WEE2: variants seen among roughly 807,000 people sequenced by gnomAD.
WEE2 encodes WEE2 oocyte meiosis inhibiting kinase, also known as wee1-like protein kinase 2.
WEE2 carries 50 observed loss-of-function variants against 60.1 expected under a neutral mutation model. The observed-to-expected ratio is 0.83, with a 90% confidence interval of 0.66 to 1.05. WEE2 has a LOEUF of 1.05. Among genes scored for constraint, WEE2 ranks in the 50% least tolerant of loss-of-function variants. WEE2 has a pLI of 0.00. For synonymous variants in WEE2, 240 were observed against 241.0 expected (o/e 1.00, Z 0.04); for missense variants, 631 against 684.3 (o/e 0.92, Z 0.87).
chr7:141,724,340 T>A, intron 8 of WEE2, 65 bp downstream of exon 8: 2 of 1,383,928 alleles, frequency 1.4e-6, no homozygotes, highest in Non-Finnish European at 2.0e-6. Context: ...AAATGGAGGA[T>A]CTCAGTGCAA....
intron 10 of WEE2, among the ~76,000 whole-genome samples, chr7:141,728,619 A>G (rs61110262): frequency 0.015 from 2,228 of 152,316 alleles, 58 homozygotes; most frequent in African/African-American, 0.051. Context: ...AGTACCAGTG[A>G]TGGGCACCTA....
In WEE2 at chr7:141,721,007, C is replaced by T. The variant is rs1360473956; in HGVS notation, c.831C>T (p.Ser277=). ...ACCCCCATGTGGTACGTTACTATTC[C>T]TCATGGGCAGAAGATGACCACATGA... ...GHHPHVVRYY[S]SWAEDDHMII... is the part of the protein sequence containing the mutation. Residue 277 remains serine (S), a synonymous_variant, in exon 5 of 12, where the codon TCC becomes TCT. Coordinates refer to ENST00000397541, the MANE Select transcript of WEE2 (RefSeq NM_001105558.1). 6.2e-7 allele frequency: 1 copy of T among 1,614,182 alleles called. No individual in the cohort carries two copies.
In WEE2 at chr7:141,714,328, T is replaced by C; in HGVS notation, c.462T>C (p.Asn154=). Residue 154 remains asparagine (N), a synonymous_variant, in exon 2 of 12, where the codon AAT becomes AAC. Coordinates refer to ENST00000397541, the MANE Select transcript of WEE2 (RefSeq NM_001105558.1). The part of the protein sequence containing the change: ...KDEMTSLALV[N]INPFTPESYK... ...AGATGACCTCATTGGCTCTGGTCAATATTAATCCCTTCACTCCAGAGTCCT... is the reference window on the plus strand; with the variant it reads ...AGATGACCTCATTGGCTCTGGTCAACATTAATCCCTTCACTCCAGAGTCCT... 1 of 1,613,922 alleles carries C rather than the reference T, an allele frequency of 6.2e-7. No individual in the cohort carries two copies. Among genetic ancestry groups the C allele is most frequent in the Non-Finnish European group, 8.5e-7 (1 of 1,179,862 alleles).
At chr7:141,727,809 T>G (rs1404097839) in intron 10 of WEE2, 1 of 198,530 alleles carries the variant, frequency 5.0e-6, no homozygotes, top group African/African-American at 2.3e-5. Context: ...GTAAGACCTA[T>G]TTTAGAAACC....
chr7:141,713,114 C>A (rs1477340843), intron 1 of WEE2, among the ~76,000 whole-genome samples: 1 of 152,146 alleles, frequency 6.6e-6, no homozygotes, highest in Non-Finnish European at 1.5e-5. Flanking sequence ...TATGTAAATT[C>A]TATAGCTTCC....
intron 1 of WEE2, among the ~76,000 whole-genome samples, chr7:141,709,918 T>C (rs1005078286): frequency 2.0e-5 from 3 of 152,162 alleles, no homozygotes; most frequent in Admixed American, 6.5e-5. Flanking sequence ...TAGCTCGGCT[T>C]CCTGCTGGTT....
intron 11 of WEE2, 118 bp from the exon 12 acceptor site, chr7:141,730,177 G>T: frequency 1.2e-6 from 1 of 834,660 alleles, no homozygotes; most frequent in Non-Finnish European, 1.8e-6. Context: ...AGCTAGTAAG[G>T]CTTTGTCTTC....
Position 141,730,652 on chromosome 7 carries a change from G to T in WEE2, c.*332G>T. 1 of 213,714 alleles carries T rather than the reference G, an allele frequency of 4.7e-6. No homozygotes were observed. Among genetic ancestry groups the T allele is most frequent in the Non-Finnish European group, 9.2e-6 (1 of 108,844 alleles). 13.2% of individuals were successfully genotyped at this position (213,714 alleles called of 1,614,324 possible). ...CTGCATGCAACTTGGACATCTCTGA[G>T]CTGGTTGTTAACTTGCAGAACAAAA... On this transcript the variant is annotated 3_prime_UTR_variant, in exon 12 of 12. Coordinates refer to ENST00000397541, the MANE Select transcript of WEE2 (RefSeq NM_001105558.1).
chr7:141,724,069 T>C (rs778139045), intron 7 of WEE2, 21 bp downstream of exon 7: 1 of 1,580,582 alleles, frequency 6.3e-7, no homozygotes, highest in South Asian at 1.1e-5. Context: ...CTTATAGCCT[T>C]ACCAGTTACC....
Position 141,716,250 on chromosome 7 carries a change from G to A in WEE2, c.568G>A (p.Gly190Arg), listed in dbSNP as rs1318534862. Reference protein sequence around the residue: ...LEEAGPEEGKGGLPAKRCVLR... With the variant: ...LEEAGPEEGKRGLPAKRCVLR... ...GGAAGCTGGTCCAGAGGAAGGCAAG[G>A]GAGGGCTGCCTGCCAAGGTAAGCGT... The change falls in exon 3 of 12, where the codon GGA (glycine) becomes AGA (arginine). Residue 190 changes from glycine (G) to arginine (R), a missense_variant. Transcript: ENST00000397541. 2 of 1,612,660 alleles carry A rather than the reference G, an allele frequency of 1.2e-6. No individual in the cohort carries two copies. The highest frequency in any genetic ancestry group is 1.7e-6 in the Non-Finnish European group (2 of 1,179,358).
intron 9 of WEE2, among the ~76,000 whole-genome samples, chr7:141,725,620 G>GT (rs1206864071): frequency 1.6e-3 from 159 of 97,792 alleles, no homozygotes; most frequent in Non-Finnish European, 2.2e-3. Context: ...GCGAGACTCC[G>GT]TCTCAAAAAA....
rs774231384 is a variant in WEE2 at position 141,724,007 on chromosome 7, A to C, written c.1094A>C (p.Glu365Ala). The C allele has an allele frequency of 6.2e-6, 10 of 1,613,650 alleles. No homozygotes were observed. Among genetic ancestry groups the C allele is most frequent in the Non-Finnish European group, 6.8e-6 (8 of 1,179,850 alleles). Reference protein sequence around the residue: ...SSGVIEEVENEADWFLSANVM... With the variant: ...SSGVIEEVENAADWFLSANVM... ...GGAGTCATAGAAGAAGTTGAAAATG[A>C]AGCTGATTGGTTTCTCTCTGCCAAT... Residue 365 changes from glutamate to alanine, a missense_variant, in exon 7 of 12, where the codon GAA becomes GCA. Physicochemically the swap from Glu to Ala is moderately radical, Grantham distance 107 (BLOSUM62 -1). Coordinates refer to ENST00000397541, the MANE Select transcript of WEE2 (RefSeq NM_001105558.1).
In WEE2 at chr7:141,708,607, C is replaced by T. The variant is rs1798657495; in HGVS notation, c.-152C>T. 3.1e-6 allele frequency: 2 copies of T among 651,110 alleles called. No individual in the cohort carries two copies. The highest frequency in any genetic ancestry group is 2.7e-5 in the Admixed American group (1 of 36,448). 40.3% of individuals were successfully genotyped at this position (651,110 alleles called of 1,614,324 possible). On this transcript the variant is annotated 5_prime_UTR_variant, in exon 1 of 12. Transcript: ENST00000397541. ...GGTACTTAAGGCAGAAAATTAACAC[C>T]GTGTTTTGTAGCTGTTAGTTGGTAG...
In WEE2 at chr7:141,709,132, G is replaced by C. The variant is rs748426677; in HGVS notation, c.342+32G>C. Reference sequence around the variant, plus strand: ...AAGGGGTGGGGGAAAAAGGGACGCAGGTCGCCAAGCTCTGCTTTCCTGTAG... The same window carrying C: ...AAGGGGTGGGGGAAAAAGGGACGCACGTCGCCAAGCTCTGCTTTCCTGTAG... On this transcript the variant is annotated intron_variant, in intron 1 of 11. Transcript: ENST00000397541. 8 of 1,585,194 alleles carry C rather than the reference G, an allele frequency of 5.0e-6. No homozygotes were observed. The East Asian group carries it at 1.6e-4, about 31-fold the overall frequency.
rs1251659193 is a variant in WEE2 at position 141,714,267 on chromosome 7, A to G, written c.401A>G (p.Lys134Arg). Residue 134 changes from lysine (K) to arginine (R), a missense_variant, in exon 2 of 12, where the codon AAG becomes AGG. Coordinates refer to ENST00000397541, the MANE Select transcript of WEE2 (RefSeq NM_001105558.1). ...PTGKLPSRGPKHLKLTPAPLK... is the reference protein window; with the variant it reads ...PTGKLPSRGPRHLKLTPAPLK... Reference sequence around the variant, plus strand: ...GGGAAGCTTCCTTCCAGAGGCCCTAAGCATTTGAAGCTCACACCTGCTCCC... The same window carrying G: ...GGGAAGCTTCCTTCCAGAGGCCCTAGGCATTTGAAGCTCACACCTGCTCCC... 1 of 1,613,752 alleles carries G rather than the reference A, an allele frequency of 6.2e-7. No homozygotes were observed.
intron 4 of WEE2, among the ~76,000 whole-genome samples, chr7:141,720,384 T>G (rs1201384818): frequency 6.6e-6 from 1 of 152,170 alleles, no homozygotes. Context: ...TGTTGGGATT[T>G]TCTATTCCAT....
chr7:141,723,307 C>A (rs1369284266), intron 6 of WEE2, 27 bp downstream of exon 6: 1 of 1,608,816 alleles, frequency 6.2e-7, no homozygotes, highest in Non-Finnish European at 8.5e-7. Flanking sequence ...TCTGCCACTT[C>A]TACCGTATTT....
chr7:141,723,277 C>T lies in WEE2; in HGVS notation c.1024C>T (p.Pro342Ser). 6.2e-7 allele frequency: 1 copy of T among 1,613,562 alleles called. No homozygotes were observed. The highest frequency in any genetic ancestry group is 1.1e-5 in the South Asian group (1 of 91,014). ...NSSMVHLDIK[P>S]SNIFICHKMQ... ...TAGCATGGTACACCTGGACATCAAACCTAGTCAGTGTGATTCCCTTCTGCC... is the reference window on the plus strand; with the variant it reads ...TAGCATGGTACACCTGGACATCAAATCTAGTCAGTGTGATTCCCTTCTGCC... The change falls in exon 6 of 12, where the codon CCT (proline) becomes TCT (serine). Residue 342 changes from proline to serine, a missense_variant. Transcript: ENST00000397541.
At chr7:141,712,780 C>T (rs1461772809) in intron 1 of WEE2, among the ~76,000 whole-genome samples, 2 of 152,080 alleles carry the variant, frequency 1.3e-5, no homozygotes, top group African/African-American at 4.8e-5. Flanking sequence ...TGTGGCTACC[C>T]ACTGTTTCAT....
Sources: allele counts gnomAD v4.1 joint callset (sites outside exome capture counted in the v4.1 genomes callset), GRCh38; gene constraint gnomAD v4.1.1; transcripts MANE v1.5; gene names NCBI Gene and HGNC (gene_info 2026-07-23, HGNC 2026-07-21).